Variants in ME3 observed in about 807,000 individuals in gnomAD.
ME3 encodes the protein NADP-dependent malic enzyme, mitochondrial.
Under a neutral mutation model 68.9 loss-of-function variants are expected in ME3, and 48 were observed. The observed-to-expected ratio is 0.70, with a 90% CI of 0.55 to 0.89. ME3 has a LOEUF of 0.89. Among genes scored for constraint, ME3 ranks in the 40% least tolerant of loss-of-function variants. The pLI is 0.00. For missense variants in ME3, 675 were observed against 797.4 expected (o/e 0.85, Z 1.85); for synonymous variants, 320 against 318.8 (o/e 1.00, Z -0.04).
intron 2 of ME3, among the ~76,000 whole-genome samples, chr11:86,598,254 C>T (rs982331217): frequency 6.6e-5 from 10 of 152,188 alleles, no homozygotes; most frequent in Admixed American, 2.0e-4. Flanking sequence ...CCGAATACTG[C>T]GCTTTTCCGA....
intron 7 of ME3, among the ~76,000 whole-genome samples, chr11:86,476,523 C>G (rs1021784797): frequency 1.3e-5 from 2 of 152,156 alleles, no homozygotes; most frequent in Admixed American, 1.3e-4. Context: ...AACTGTGTCT[C>G]ATGAAAAGAT....
chr11:86,571,468 G>A (rs1957785732), intron 2 of ME3, among the ~76,000 whole-genome samples: 1 of 152,232 alleles, frequency 6.6e-6, no homozygotes, highest in African/African-American at 2.4e-5. Context: ...AAAATGTTCT[G>A]TATCTGCGCT....
At chr11:86,668,599 C>T (rs1191375655) in intron 2 of ME3, among the ~76,000 whole-genome samples, 2 of 152,166 alleles carry the variant, frequency 1.3e-5, no homozygotes, top group Admixed American at 1.3e-4. Context: ...TAGTGTAACA[C>T]GGGCAGAGGA....
intron 7 of ME3, among the ~76,000 whole-genome samples, chr11:86,479,386 T>C (rs1328815242): frequency 6.6e-6 from 1 of 152,208 alleles, no homozygotes; most frequent in Non-Finnish European, 1.5e-5. Flanking sequence ...CACTCTCAAG[T>C]ATCTAAATAC....
intron 2 of ME3, among the ~76,000 whole-genome samples, chr11:86,624,366 TG>T (rs1230160861): frequency 6.6e-6 from 1 of 152,238 alleles, no homozygotes; most frequent in African/African-American, 2.4e-5. Flanking sequence ...GCAGTTGCTG[TG>T]AAATTTGTGG....
chr11:86,577,745 C>T (rs1359498735), intron 2 of ME3, among the ~76,000 whole-genome samples: 1 of 152,140 alleles, frequency 6.6e-6, no homozygotes, highest in African/African-American at 2.4e-5. Flanking sequence ...ATATCTTTGC[C>T]AATGATAAAT....
At chr11:86,562,218 A>G (rs1485518787) in intron 2 of ME3, among the ~76,000 whole-genome samples, 4 of 152,186 alleles carry the variant, frequency 2.6e-5, no homozygotes. Flanking sequence ...ATACGCACCT[A>G]GAGTTCATTC....
chr11:86,637,234 G>A (rs935384392), intron 2 of ME3, among the ~76,000 whole-genome samples: 2 of 150,984 alleles, frequency 1.3e-5, no homozygotes, highest in Non-Finnish European at 2.9e-5. Flanking sequence ...CCATGTGTGT[G>A]AAGCACCAAG....
downstream of ME3, chr11:86,436,774 T>A (rs550689489): frequency 6.6e-6 from 1 of 152,250 alleles, no homozygotes; most frequent in African/African-American, 2.4e-5. Context: ...CAGCACAATT[T>A]GTTCAAAAGA....
intron 2 of ME3, among the ~76,000 whole-genome samples, chr11:86,595,984 G>A (rs969638547): frequency 6.6e-6 from 1 of 152,200 alleles, no homozygotes; most frequent in African/African-American, 2.4e-5. Flanking sequence ...CTAAACAACA[G>A]TCTTTAGAAA....
intron 2 of ME3, among the ~76,000 whole-genome samples, chr11:86,636,909 T>C (rs1944365157): frequency 6.6e-6 from 1 of 152,038 alleles, no homozygotes; most frequent in African/African-American, 2.4e-5. Flanking sequence ...AGTAGCAGAG[T>C]AGGGTCTAAA....
intron 7 of ME3, among the ~76,000 whole-genome samples, chr11:86,470,501 G>T (rs942689035): frequency 6.6e-6 from 1 of 152,092 alleles, no homozygotes; most frequent in Non-Finnish European, 1.5e-5. Context: ...TTAGAGAGAG[G>T]TTCTGTGGTT....
chr11:86,635,566 A>G (rs908290733), intron 2 of ME3, among the ~76,000 whole-genome samples: 5 of 152,218 alleles, frequency 3.3e-5, no homozygotes, highest in Non-Finnish European at 5.9e-5. Flanking sequence ...GAGAGCCCTC[A>G]AGAATAGATT....
chr11:86,605,497 A>T (rs1961496734), intron 2 of ME3, among the ~76,000 whole-genome samples: 2 of 152,184 alleles, frequency 1.3e-5, no homozygotes, highest in Non-Finnish European at 2.9e-5. Context: ...TGCCACCAAA[A>T]ACTGCTTAAT....
rs7941446 is a variant in ME3, at chr11:86,624,171, A to C, written c.183+47591T>G. On this transcript the variant is annotated intron_variant, in intron 2 of 14. Transcript: ENST00000543262. The stretch of plus-strand genomic sequence containing the variant: ...GAAGTTGAAGCTGGCTTATTGGCCA[A>C]AAGAAAGAAGCTGGACGATTCAGAG... Among the ~76,000 whole-genome samples the C allele has an allele frequency of 8.5e-5, 13 of 152,120 alleles. No individual in the cohort carries two copies. In the South Asian group the frequency reaches 2.7e-3, roughly 32 times the overall value.
chr11:86,500,070 C>T (rs1035273084), intron 5 of ME3, among the ~76,000 whole-genome samples: 25 of 152,204 alleles, frequency 1.6e-4, no homozygotes, highest in Admixed American at 2.6e-4. Context: ...CCTGCTTTGG[C>T]GCCACCCTCT....
At chr11:86,605,748 C>T (rs1366766133) in intron 2 of ME3, among the ~76,000 whole-genome samples, 3 of 152,076 alleles carry the variant, frequency 2.0e-5, no homozygotes, top group Non-Finnish European at 2.9e-5. Context: ...AAATCACACC[C>T]ATTTTACAGA....
At chr11:86,462,402 T>C (rs1480575663) in intron 8 of ME3, among the ~76,000 whole-genome samples, 1 of 152,228 alleles carries the variant, frequency 6.6e-6, no homozygotes, top group African/African-American at 2.4e-5. Flanking sequence ...CAGTAGGCTA[T>C]TAGTAGCTAA....
At chr11:86,663,702 G>C (rs967241298) in intron 2 of ME3, among the ~76,000 whole-genome samples, 5 of 152,170 alleles carry the variant, frequency 3.3e-5, no homozygotes, top group African/African-American at 1.2e-4. Flanking sequence ...GAAAAGAGTA[G>C]ATGATAAAAA....
Sources: gnomAD v4.1 joint callset for allele counts (sites outside exome capture counted in the v4.1 genomes callset) on GRCh38, gnomAD v4.1.1 for gene constraint, MANE v1.5 for transcripts, NCBI Gene and HGNC (gene_info 2026-07-23, HGNC 2026-07-21) for gene names.